NAPB: variants seen among roughly 807,000 people sequenced by gnomAD.
The protein encoded by NAPB is beta-soluble NSF attachment protein.
A neutral mutation model predicts 44.7 loss-of-function variants in NAPB; 26 were observed. The ratio of observed to expected loss-of-function variants is 0.58; its 90% CI spans 0.43 to 0.81. The LOEUF is 0.81. NAPB is among the 30% of genes least tolerant of loss of function. NAPB has a pLI of 0.00. For missense variants in NAPB, 315 were observed against 356.4 expected (o/e 0.88, Z 0.94); for synonymous variants, 120 against 116.8 (o/e 1.03, Z -0.18).
chr20:23,379,558 T>C lies in NAPB; in HGVS notation c.736-63A>G, dbSNP rs1025426522. ...AGATGAAGTCCCATTTCTAAATATA[T>C]ACTTTAAGTATAATACCAATGTTGC... On this transcript the variant is annotated intron_variant, in intron 9 of 10. Transcript: ENST00000377026. The C allele has an allele frequency of 6.4e-6, 8 of 1,258,782 alleles. No individual in the cohort carries two copies. The African/African-American group carries it at 1.1e-4, about 17-fold the overall frequency. 78.0% of individuals were successfully genotyped at this position (1,258,782 alleles called of 1,614,324 possible).
intron 5 of NAPB, among the ~76,000 whole-genome samples, chr20:23,391,310 TCAAA>T (rs147683615): frequency 7.2e-5 from 11 of 152,156 alleles, no homozygotes; most frequent in Admixed American, 2.0e-4. Flanking sequence ...AAACTCTGTC[TCAAA>T]CAAACAAACA....
intron 7 of NAPB, among the ~76,000 whole-genome samples, chr20:23,388,254 C>T (rs145805332): frequency 2.1e-3 from 317 of 152,106 alleles, no homozygotes; most frequent in African/African-American, 6.8e-3. Flanking sequence ...CACACATACA[C>T]ACTCACACAC....
At chr20:23,420,779 G>A (rs1443990344) in intron 1 of NAPB, among the ~76,000 whole-genome samples, 1 of 151,032 alleles carries the variant, frequency 6.6e-6, no homozygotes, top group African/African-American at 2.4e-5. Context: ...GGGGCGATCT[G>A]GGGTCTCCAG....
intron 1 of NAPB, among the ~76,000 whole-genome samples, chr20:23,411,848 T>G (rs1288547650): frequency 2.0e-5 from 3 of 151,904 alleles, no homozygotes; most frequent in Non-Finnish European, 2.9e-5. Context: ...TGAAGACAAA[T>G]AGCAATGAAA....
chr20:23,413,709 T>G (rs1341069029), intron 1 of NAPB, among the ~76,000 whole-genome samples: 2 of 152,118 alleles, frequency 1.3e-5, no homozygotes, highest in Non-Finnish European at 2.9e-5. Context: ...GCAAATACAT[T>G]TTTTAAAACT....
chr20:23,388,258 CACACACACACAA>C (rs898918436), intron 7 of NAPB, among the ~76,000 whole-genome samples: 5 of 151,790 alleles, frequency 3.3e-5, no homozygotes, highest in Admixed American at 6.6e-5. Context: ...CATACACACT[CACACACACACAA>C]ACACACACAC....
intron 1 of NAPB, among the ~76,000 whole-genome samples, chr20:23,420,811 C>G (rs1333855402): frequency 4.1e-5 from 2 of 48,502 alleles, no homozygotes; most frequent in African/African-American, 1.5e-4. Context: ...GGCTGACAGC[C>G]CCCCCCCCAG....
intron 5 of NAPB, 71 bp from the exon 6 acceptor site, chr20:23,390,335 G>A: frequency 7.6e-7 from 1 of 1,308,448 alleles, no homozygotes; most frequent in South Asian, 1.2e-5. Context: ...CATTTGCATA[G>A]GTATTTTTCC....
chr20:23,389,244 A>AC (rs920417944), intron 7 of NAPB, among the ~76,000 whole-genome samples: 12 of 151,460 alleles, frequency 7.9e-5, no homozygotes, highest in Non-Finnish European at 1.8e-4. Context: ...AAAAAAAAAA[A>AC]AAAAAAAACC....
intron 7 of NAPB, among the ~76,000 whole-genome samples, chr20:23,382,778 AAAGGAACAGAGCATC>A (rs1437384840): frequency 3.3e-5 from 5 of 152,228 alleles, no homozygotes; most frequent in Admixed American, 3.3e-4. Context: ...AAACTGACAA[AAAGGAACAGAGCATC>A]AAGGACCCAT....
At chr20:23,385,763 AAGAGAGAGAG>A (rs11468639) in intron 7 of NAPB, among the ~76,000 whole-genome samples, 2 of 149,178 alleles carry the variant, frequency 1.3e-5, no homozygotes, top group South Asian at 2.1e-4. Flanking sequence ...GAAAGAGAGA[AAGAGAGAGAG>A]AGAGAGAGAG....
intron 1 of NAPB, among the ~76,000 whole-genome samples, chr20:23,416,215 C>T (rs1342922351): frequency 2.0e-5 from 3 of 152,132 alleles, no homozygotes; most frequent in African/African-American, 7.2e-5. Context: ...CTGGCCCTCC[C>T]TCTCTCCAGA....
chr20:23,418,092 T>C (rs1986130875), intron 1 of NAPB, among the ~76,000 whole-genome samples: 1 of 152,222 alleles, frequency 6.6e-6, no homozygotes, highest in East Asian at 1.9e-4. Context: ...ATCTGCAATA[T>C]GCCAAGCAGC....
At chr20:23,395,109 C>G in intron 4 of NAPB, 30 bp downstream of exon 4, 1 of 1,614,078 alleles carries the variant, frequency 6.2e-7, no homozygotes, top group South Asian at 1.1e-5. Flanking sequence ...GACTCCACCC[C>G]ACAGCCACTC....
intron 3 of NAPB, 144 bp from the exon 4 acceptor site, chr20:23,395,329 C>T (rs1434244315): frequency 1.4e-6 from 1 of 734,416 alleles, no homozygotes; most frequent in Non-Finnish European, 2.3e-6. Context: ...GAGAAGCAAA[C>T]AAAAATCATG....
At chr20:23,401,147 C>T (rs916431108) in intron 2 of NAPB, among the ~76,000 whole-genome samples, 1 of 152,090 alleles carries the variant, frequency 6.6e-6, no homozygotes, top group African/African-American at 2.4e-5. Context: ...GGGAACAGTA[C>T]ATGCAAAGGC....
intron 5 of NAPB, among the ~76,000 whole-genome samples, chr20:23,394,714 A>C (rs987416526): frequency 1.3e-5 from 2 of 152,192 alleles, no homozygotes; most frequent in African/African-American, 4.8e-5. Context: ...ATCTCTGTAA[A>C]TCTTAATCAG....
chr20:23,420,296 C>T (rs931183633), intron 1 of NAPB, among the ~76,000 whole-genome samples: 3 of 152,250 alleles, frequency 2.0e-5, no homozygotes, highest in African/African-American at 7.2e-5. Context: ...CTGACTTAAA[C>T]AGCAGCAGCG....
chr20:23,421,061 C>T (rs1462354985), intron 1 of NAPB, among the ~76,000 whole-genome samples: 2 of 146,394 alleles, frequency 1.4e-5, no homozygotes, highest in Non-Finnish European at 3.0e-5. Context: ...TCCAGGGACC[C>T]TGGGGGGGCC....
Sources: gnomAD v4.1 joint callset for allele counts (sites outside exome capture counted in the v4.1 genomes callset) on GRCh38, gnomAD v4.1.1 for gene constraint, MANE v1.5 for transcripts, NCBI Gene and HGNC (gene_info 2026-07-23, HGNC 2026-07-21) for gene names.